Variants in UGT1A10 observed in about 807,000 individuals in gnomAD.
UGT1A10 encodes the protein UDP-glucuronosyltransferase 1A10.
UGT1A10 carries 49 observed loss-of-function variants against 45.8 expected under a neutral mutation model. The observed-to-expected ratio is 1.07, with a 90% CI of 0.85 to 1.36. UGT1A10 has a LOEUF of 1.36. Among genes scored for constraint, UGT1A10 ranks in the 40% most tolerant of loss-of-function variants. UGT1A10 has a pLI of 0.00. For synonymous variants in UGT1A10, 284 were observed against 249.7 expected (o/e 1.14, Z -1.29); for missense variants, 745 against 668.6 (o/e 1.11, Z -1.26).
At chr2:233,738,407 A>T (rs568263428) in intron 1 of UGT1A10, among the ~76,000 whole-genome samples, 3 of 152,352 alleles carry the variant, frequency 2.0e-5, no homozygotes, top group African/African-American at 7.2e-5. Context: ...GAACTGGGTA[A>T]CAGGCAGAGG....
At chr2:233,738,377 G>A (rs1404110801) in intron 1 of UGT1A10, among the ~76,000 whole-genome samples, 2 of 152,188 alleles carry the variant, frequency 1.3e-5, no homozygotes, top group Admixed American at 1.3e-4. Flanking sequence ...AAAACTACTT[G>A]AAAATGTGGA....
At chr2:233,743,483 T>A in intron 1 of UGT1A10, 1 of 1,367,128 alleles carries the variant, frequency 7.3e-7, no homozygotes, top group Non-Finnish European at 9.8e-7. Flanking sequence ...GGAAATTCAC[T>A]GAAGGCAGAG....
At chr2:233,703,835 C>A (rs2075754934) in intron 1 of UGT1A10, among the ~76,000 whole-genome samples, 1 of 151,934 alleles carries the variant, frequency 6.6e-6, no homozygotes, top group Admixed American at 6.6e-5. Context: ...TTGTTTAATC[C>A]ATTCACATTT....
chr2:233,662,046 G>T (rs147801304), intron 1 of UGT1A10, among the ~76,000 whole-genome samples: 1 of 152,136 alleles, frequency 6.6e-6, no homozygotes, highest in Non-Finnish European at 1.5e-5. Flanking sequence ...GCAACAGGGG[G>T]TGGCTATGAA....
Position 233,769,816 on chromosome 2 carries a change from C to A in UGT1A10, c.1295+1377C>A. On this transcript the variant is annotated intron_variant, in intron 4 of 4. Transcript: ENST00000344644. The surrounding 1 kb of genome is among the most constrained non-coding windows in gnomAD (Gnocchi z 4.4). ...GCTGCTATGAGCCGTGATCATGCCA[C>A]TGCACTCCAGCAACCTGGGCAACAG... 2.2e-6 allele frequency: 2 copies of A among 922,022 alleles called. No individual in the cohort carries two copies. The highest frequency in any genetic ancestry group is 1.5e-6 in the Non-Finnish European group (1 of 663,950). The allele number at this position is 922,022 out of a possible 1,614,324, so 57.1% of individuals were successfully genotyped here. A position where few individuals can be genotyped will look rare whatever the true frequency, so the allele number is the denominator to read the frequency against.
chr2:233,637,747 T>C (rs1010403745), intron 1 of UGT1A10, among the ~76,000 whole-genome samples: 5 of 152,204 alleles, frequency 3.3e-5, no homozygotes, highest in Non-Finnish European at 5.9e-5. Flanking sequence ...AAAAAAAGTA[T>C]TTTAGGCATA....
intron 1 of UGT1A10, among the ~76,000 whole-genome samples, chr2:233,761,379 G>A (rs1697758727): frequency 6.6e-6 from 1 of 152,206 alleles, no homozygotes; most frequent in African/African-American, 2.4e-5. Context: ...ATTTTACTCT[G>A]TGTGCTCCAG....
In UGT1A10 at chr2:233,637,011, C is replaced by T. The variant is rs932855712; in HGVS notation, c.489C>T (p.Leu163=). 2 of 1,614,094 alleles carry T rather than the reference C, an allele frequency of 1.2e-6. No homozygotes were observed. The highest frequency in any genetic ancestry group is 1.7e-6 in the Non-Finnish European group (2 of 1,179,982). The change falls in exon 1 of 5, where the codon CTC becomes CTT. Residue 163 remains leucine, a synonymous_variant. Transcript: ENST00000344644. ...TAATTGTTGCTAAATATTTCTCCCT[C>T]CCCTCTGTGGTCTTCACCAGGGGAA... ...CGLIVAKYFS[L]PSVVFTRGIF...
Position 233,729,398 on chromosome 2 carries a change from G to C in UGT1A10, c.856-37636G>C, listed in dbSNP as rs540607993. The C allele has an allele frequency of 2.5e-6, 4 of 1,613,536 alleles. No homozygotes were observed. The Admixed American group carries it at 5.0e-5, about 20-fold the overall frequency. ...TCGTGGACCCAGGATGAATTTGATCGCCATGTGCTGGGCCACACTCAACTG... is the reference window on the plus strand; with the variant it reads ...TCGTGGACCCAGGATGAATTTGATCCCCATGTGCTGGGCCACACTCAACTG... On this transcript the variant is annotated intron_variant, in intron 1 of 4. Transcript: ENST00000344644.
chr2:233,679,113 T>G lies in UGT1A10; in HGVS notation c.855+41736T>G, dbSNP rs564328897. On this transcript the variant is annotated intron_variant, in intron 1 of 4. Transcript: ENST00000344644. ...AAAACTGTGTGTAATGAGTTCTAAA[T>G]TTCCTTAAGACACCTGATTGAGAGA... 4.0e-4 allele frequency among the ~76,000 whole-genome samples: 61 copies of G among 152,344 alleles called. 1 individual carries two copies. The highest frequency in any genetic ancestry group is 7.2e-4 in the Non-Finnish European group (49 of 68,038).
At chr2:233,694,574 G>A (rs1304688470) in intron 1 of UGT1A10, among the ~76,000 whole-genome samples, 2 of 152,168 alleles carry the variant, frequency 1.3e-5, no homozygotes, top group Admixed American at 1.3e-4. Flanking sequence ...AAATTTCAAT[G>A]TAAATATTTA....
At chr2:233,658,956 T>A (rs2073911071) in intron 1 of UGT1A10, among the ~76,000 whole-genome samples, 1 of 152,188 alleles carries the variant, frequency 6.6e-6, no homozygotes, top group South Asian at 2.1e-4. Flanking sequence ...AATTTTAGAG[T>A]CAGTTTGCCA....
chr2:233,755,084 G>T (rs779610585), intron 1 of UGT1A10: 29 of 1,335,184 alleles, frequency 2.2e-5, no homozygotes, highest in Non-Finnish European at 2.9e-5. Context: ...CATAGATATC[G>T]CGTTTCTACG....
At chr2:233,747,977 G>A (rs1693826207) in intron 1 of UGT1A10, 1 of 1,613,358 alleles carries the variant, frequency 6.2e-7, no homozygotes, top group Non-Finnish European at 8.5e-7. Context: ...CATCTGTGTG[G>A]CTGTTCCGAG....
At chr2:233,641,666 C>G (rs1398197316) in intron 1 of UGT1A10, among the ~76,000 whole-genome samples, 1 of 152,128 alleles carries the variant, frequency 6.6e-6, no homozygotes, top group Non-Finnish European at 1.5e-5. Flanking sequence ...TTGAAGTACT[C>G]CCTGTAGCAT....
intron 1 of UGT1A10, among the ~76,000 whole-genome samples, chr2:233,653,104 A>T (rs1481738387): frequency 1.3e-5 from 2 of 152,226 alleles, no homozygotes; most frequent in African/African-American, 2.4e-5. Flanking sequence ...CACAGTCCCA[A>T]AAGACCTGAA....
chr2:233,676,843 C>T (rs889198300), intron 1 of UGT1A10, among the ~76,000 whole-genome samples: 2 of 152,144 alleles, frequency 1.3e-5, no homozygotes, highest in Non-Finnish European at 2.9e-5. Context: ...ACCTTTTCTC[C>T]ACTGCATTGC....
At chr2:233,747,362 G>C (rs765094554) in intron 1 of UGT1A10, 99 of 1,603,664 alleles carry the variant, frequency 6.2e-5, no homozygotes, top group Non-Finnish European at 7.6e-5. Flanking sequence ...CCGTGCGGGA[G>C]CTCCATGCCA....
chr2:233,693,110 G>A (rs781199521), intron 1 of UGT1A10: 92 of 1,614,038 alleles, frequency 5.7e-5, no homozygotes, highest in African/African-American at 1.1e-4. Context: ...CCCTCAGGAC[G>A]GAAGCCACTG....
Sources: allele counts gnomAD v4.1 joint callset (sites outside exome capture counted in the v4.1 genomes callset), GRCh38; gene constraint gnomAD v4.1.1; non-coding constraint Gnocchi (gnomAD v3.1); transcripts MANE v1.5; gene names NCBI Gene and HGNC (gene_info 2026-07-23, HGNC 2026-07-21).